Variants in NAV3 observed in about 807,000 individuals in gnomAD.
NAV3 encodes pore membrane and/or filament interacting like protein 1.
Under a neutral mutation model 244.7 loss-of-function variants are expected in NAV3, and 87 were observed. The observed-to-expected ratio is 0.36, with a 90% CI of 0.30 to 0.42. NAV3 has a LOEUF of 0.42. Ranked by LOEUF, NAV3 falls within the 20% of genes least tolerant of loss-of-function variation. NAV3 has a pLI of 1.00. For missense variants in NAV3, 2,663 were observed against 2,893.3 expected (o/e 0.92, Z 1.83); for synonymous variants, 1,126 against 1,042.2 (o/e 1.08, Z -1.55).
At chr12:78,017,008 A>T (rs1049897413) in intron 8 of NAV3, among the ~76,000 whole-genome samples, 3 of 152,110 alleles carry the variant, frequency 2.0e-5, no homozygotes, top group Admixed American at 6.6e-5. Context: ...ACTGCAGGGT[A>T]GTAGTTAATA....
intron 19 of NAV3, 148 bp from the exon 20 acceptor site, chr12:78,140,134 A>T (rs984845706): frequency 2.0e-5 from 13 of 660,200 alleles, no homozygotes; most frequent in Non-Finnish European, 2.9e-5. Flanking sequence ...ACTGCCAAAA[A>T]ATTATAGCAG....
intron 1 of NAV3, among the ~76,000 whole-genome samples, chr12:77,929,176 T>C (rs1888525641): frequency 2.0e-5 from 3 of 152,256 alleles, no homozygotes; most frequent in African/African-American, 4.8e-5. Context: ...ATTAGTAATA[T>C]GTTAGATATA....
At chr12:78,157,535 T>G (rs952791489) in intron 22 of NAV3, among the ~76,000 whole-genome samples, 44 of 152,140 alleles carry the variant, frequency 2.9e-4, no homozygotes, top group Middle Eastern at 3.4e-3. Context: ...CACTCCAGCC[T>G]GGGTGGCAGC....
chr12:77,687,249 G>A (rs1224517279), intron 2 of NAV3, among the ~76,000 whole-genome samples: 1 of 152,046 alleles, frequency 6.6e-6, no homozygotes, highest in Non-Finnish European at 1.5e-5. Context: ...AAAACAGAAA[G>A]TAGCCTGGCA....
At chr12:77,878,653 T>G (rs1882185368) in intron 1 of NAV3, among the ~76,000 whole-genome samples, 1 of 151,392 alleles carries the variant, frequency 6.6e-6, no homozygotes, top group East Asian at 1.9e-4. Context: ...CAATCTTTTG[T>G]AATGCTTAAA....
intron 11 of NAV3, 96 bp from the exon 12 acceptor site, chr12:78,058,900 A>C: frequency 1.0e-6 from 1 of 995,300 alleles, no homozygotes; most frequent in Non-Finnish European, 1.4e-6. Flanking sequence ...TATTTGAGTA[A>C]TTATTGAAAA....
intron 2 of NAV3, among the ~76,000 whole-genome samples, chr12:77,793,469 A>T (rs1235557236): frequency 1.3e-5 from 2 of 151,704 alleles, no homozygotes; most frequent in Non-Finnish European, 2.9e-5. Context: ...CTTTCCCTCC[A>T]CTTGCCCCCC....
At chr12:78,210,123 C>T (rs909091622) in intron 39 of NAV3, among the ~76,000 whole-genome samples, 1 of 152,186 alleles carries the variant, frequency 6.6e-6, no homozygotes, top group African/African-American at 2.4e-5. Flanking sequence ...GATACAGTTT[C>T]CTTTCCAGTC....
chr12:77,798,686 G>A (rs966246542), intron 2 of NAV3, among the ~76,000 whole-genome samples: 5 of 152,050 alleles, frequency 3.3e-5, no homozygotes, highest in Non-Finnish European at 7.4e-5. Flanking sequence ...ATTGTTGGAG[G>A]AAACTTCCTG....
At chr12:77,906,236 A>G (rs1370318312) in intron 1 of NAV3, among the ~76,000 whole-genome samples, 12 of 152,106 alleles carry the variant, frequency 7.9e-5, no homozygotes, top group African/African-American at 2.7e-4. Context: ...AGACAGACAC[A>G]CATCCACACA....
intron 38 of NAV3, 117 bp from the exon 39 acceptor site, chr12:78,204,818 T>C: frequency 1.2e-6 from 1 of 807,532 alleles, no homozygotes; most frequent in Non-Finnish European, 1.9e-6. Context: ...TACTTAATTC[T>C]CTTGAAAGTC....
At chr12:77,622,534 ATTTTTTTT>A (rs529338324) in intron 2 of NAV3, among the ~76,000 whole-genome samples, 19 of 90,712 alleles carry the variant, frequency 2.1e-4, no homozygotes, top group African/African-American at 5.0e-4. Flanking sequence ...ATCCATATGG[ATTTTTTTT>A]TTTTTTTTTT....
chr12:78,041,873 A>C (rs1880919569), intron 9 of NAV3, among the ~76,000 whole-genome samples: 1 of 152,180 alleles, frequency 6.6e-6, no homozygotes, highest in Non-Finnish European at 1.5e-5. Flanking sequence ...ACGCATCTTG[A>C]CTTCCCTATG....
intron 1 of NAV3, among the ~76,000 whole-genome samples, chr12:77,890,414 C>T (rs560248260): frequency 2.6e-5 from 4 of 152,098 alleles, no homozygotes; most frequent in Non-Finnish European, 5.9e-5. Flanking sequence ...CTGTACCAGC[C>T]TCAGTTGAAT....
At chr12:77,609,847 C>G (rs1256194077) in intron 2 of NAV3, among the ~76,000 whole-genome samples, 1 of 152,022 alleles carries the variant, frequency 6.6e-6, no homozygotes, top group Non-Finnish European at 1.5e-5. Flanking sequence ...TTTATTTAGG[C>G]CTTTCTTATC....
intron 2 of NAV3, among the ~76,000 whole-genome samples, chr12:77,576,925 C>G (rs1455211077): frequency 2.6e-5 from 4 of 151,968 alleles, no homozygotes; most frequent in African/African-American, 9.7e-5. Context: ...GATGAGGTTT[C>G]TGAAACAACA....
intron 2 of NAV3, among the ~76,000 whole-genome samples, chr12:77,679,124 G>T (rs1874335807): frequency 6.6e-6 from 1 of 152,004 alleles, no homozygotes; most frequent in Non-Finnish European, 1.5e-5. Flanking sequence ...GAATTTGCAG[G>T]TTACTAACTC....
At chr12:78,123,459 A>G (rs906011615) in intron 16 of NAV3, among the ~76,000 whole-genome samples, 1 of 152,020 alleles carries the variant, frequency 6.6e-6, no homozygotes, top group Non-Finnish European at 1.5e-5. Flanking sequence ...CCTTAGCTAG[A>G]CACTCTCTGC....
chr12:77,841,097 C>A (rs1875558876), intron 1 of NAV3, among the ~76,000 whole-genome samples: 1 of 152,086 alleles, frequency 6.6e-6, no homozygotes, highest in African/African-American at 2.4e-5. Context: ...AATTTGATAT[C>A]TGTGGTAGAG....
Sources: gnomAD v4.1 joint callset for allele counts (sites outside exome capture counted in the v4.1 genomes callset) on GRCh38, gnomAD v4.1.1 for gene constraint, MANE v1.5 for transcripts, NCBI Gene and HGNC (gene_info 2026-07-23, HGNC 2026-07-21) for gene names.